Variants in WLS observed in about 807,000 individuals in gnomAD.
The protein encoded by WLS is protein wntless homolog.
Under a neutral mutation model 62.8 loss-of-function variants are expected in WLS, and 23 were observed. The observed-to-expected ratio is 0.37, with a 90% CI of 0.26 to 0.52. The LOEUF is 0.52. Among genes scored for constraint, WLS ranks in the 20% least tolerant of loss-of-function variants. The pLI, the probability that WLS is intolerant of heterozygous loss-of-function variation, is 0.92. For synonymous variants in WLS, 246 were observed against 244.1 expected, an observed-to-expected ratio of 1.01 and a Z score of -0.07; for missense variants, 615 against 697.3, an observed-to-expected ratio of 0.88 and a Z score of 1.33.
intron 11 of WLS, among the ~76,000 whole-genome samples, chr1:68,104,226 G>A (rs1277115789): frequency 6.6e-6 from 1 of 151,996 alleles, no homozygotes; most frequent in African/African-American, 2.4e-5. Context: ...TGCAGACCCT[G>A]TTTCCCAGGA....
intron 1 of WLS, among the ~76,000 whole-genome samples, chr1:68,217,805 G>A (rs933025176): frequency 6.6e-6 from 1 of 152,166 alleles, no homozygotes; most frequent in Non-Finnish European, 1.5e-5. Flanking sequence ...GAGGAACCCA[G>A]CCCCTTTGTG....
chr1:68,207,607 T>C (rs1190290997), intron 1 of WLS, among the ~76,000 whole-genome samples: 4 of 152,230 alleles, frequency 2.6e-5, no homozygotes, highest in Non-Finnish European at 4.4e-5. Flanking sequence ...CGGTGCTTTA[T>C]GTTGCTGAAG....
intron 1 of WLS, among the ~76,000 whole-genome samples, chr1:68,205,476 A>G (rs1480928062): frequency 6.6e-6 from 1 of 152,230 alleles, no homozygotes; most frequent in Non-Finnish European, 1.5e-5. Context: ...GCTGTTCAGC[A>G]TAGTTCCTGG....
chr1:68,113,832 A>G (rs1646257721), intron 11 of WLS, among the ~76,000 whole-genome samples: 1 of 152,240 alleles, frequency 6.6e-6, no homozygotes, highest in South Asian at 2.1e-4. Context: ...AAATCCCACA[A>G]GCTGTCCTAC....
chr1:68,168,518 G>T (rs1215793565), intron 2 of WLS, among the ~76,000 whole-genome samples: 3 of 152,098 alleles, frequency 2.0e-5, no homozygotes, highest in East Asian at 1.9e-4. Context: ...GGGTTATATT[G>T]TTGACCTATT....
chr1:68,145,232 C>T (rs984476628), intron 9 of WLS, among the ~76,000 whole-genome samples: 9 of 152,166 alleles, frequency 5.9e-5, no homozygotes, highest in Non-Finnish European at 1.2e-4. Flanking sequence ...TCTGTAGTTT[C>T]TGCTTCTCTT....
In WLS at chr1:68,125,645, T is replaced by C. The variant is rs1646418721; in HGVS notation, c.*581A>G. 3.0e-6 allele frequency: 3 copies of C among 985,372 alleles called. No individual in the cohort carries two copies. In the African/African-American group the frequency reaches 5.2e-5, roughly 17 times the overall value. The allele number at this position is 985,372 out of a possible 1,614,324, so 61.0% of individuals were successfully genotyped here. ...GCTGAAATACCCCTGGTGGAATAAA[T>C]CTTCTCATGAAATTCAGTTATATTA... On this transcript the variant is annotated 3_prime_UTR_variant, in exon 12 of 12. Transcript: ENST00000262348.
intron 2 of WLS, among the ~76,000 whole-genome samples, chr1:68,164,478 G>A (rs1470626340): frequency 2.6e-5 from 4 of 152,130 alleles, no homozygotes; most frequent in Non-Finnish European, 2.9e-5. Flanking sequence ...GGCTGGTCTT[G>A]AACTCCTGAC....
chr1:68,184,499 G>A (rs991130425), intron 2 of WLS, among the ~76,000 whole-genome samples: 2 of 152,190 alleles, frequency 1.3e-5, no homozygotes, highest in African/African-American at 4.8e-5. Context: ...TTACCAAGAG[G>A]TCTAATACCA....
At chr1:68,163,407 C>T (rs1570928066) in intron 2 of WLS, among the ~76,000 whole-genome samples, 1 of 151,660 alleles carries the variant, frequency 6.6e-6, no homozygotes, top group African/African-American at 2.4e-5. Context: ...CACCCTGCGG[C>T]GGTGGCGGTG....
chr1:68,152,650 G>C (rs1365424869), intron 5 of WLS, among the ~76,000 whole-genome samples: 1 of 152,164 alleles, frequency 6.6e-6, no homozygotes, highest in Admixed American at 6.5e-5. Flanking sequence ...GACTGGAAAG[G>C]ACTCAAGAGA....
intron 11 of WLS, among the ~76,000 whole-genome samples, chr1:68,128,253 C>A (rs1360275600): frequency 6.6e-6 from 1 of 152,208 alleles, no homozygotes; most frequent in East Asian, 1.9e-4. Context: ...AGCTGAACCA[C>A]CACTTGTACA....
chr1:68,200,096 C>T (rs1211958841), intron 1 of WLS, among the ~76,000 whole-genome samples: 1 of 152,044 alleles, frequency 6.6e-6, no homozygotes, highest in Non-Finnish European at 1.5e-5. Context: ...CAGAACAGCA[C>T]CATTTTAAAA....
chr1:68,134,058 G>A (rs1487248533), intron 11 of WLS, among the ~76,000 whole-genome samples: 14 of 152,198 alleles, frequency 9.2e-5, no homozygotes, highest in Admixed American at 9.2e-4. Flanking sequence ...CATGAGAATG[G>A]AAAAGGAGCA....
downstream of WLS, among the ~76,000 whole-genome samples, chr1:68,123,295 G>C (rs534907136): frequency 4.0e-4 from 61 of 152,182 alleles, 2 homozygotes; most frequent in Non-Finnish European, 5.9e-5. Context: ...GAACCTCTGA[G>C]GACATCTAAC....
chr1:68,100,852 T>C (rs1456675460), intron 11 of WLS: 3 of 152,240 alleles, frequency 2.0e-5, no homozygotes, highest in Non-Finnish European at 4.4e-5. Context: ...TCTTTCACTC[T>C]AGCAGTTAAA....
chr1:68,214,629 G>A (rs1035611154), intron 1 of WLS, among the ~76,000 whole-genome samples: 2 of 152,210 alleles, frequency 1.3e-5, no homozygotes, highest in Admixed American at 6.5e-5. Flanking sequence ...GACCACAGGT[G>A]TGAGCCACCA....
At chr1:68,228,187 A>C in intron 1 of WLS, 1 of 415,104 alleles carries the variant, frequency 2.4e-6, no homozygotes, top group Non-Finnish European at 4.7e-6. Context: ...ATCTTTTCTA[A>C]AGAAATAATA....
intron 11 of WLS, among the ~76,000 whole-genome samples, chr1:68,111,662 C>G (rs775971535): frequency 3.3e-5 from 5 of 152,190 alleles, no homozygotes; most frequent in Non-Finnish European, 5.9e-5. Flanking sequence ...TTACATCTCT[C>G]TACACATACA....
Sources: gnomAD v4.1 joint callset for allele counts (sites outside exome capture counted in the v4.1 genomes callset) on GRCh38, gnomAD v4.1.1 for gene constraint, MANE v1.5 for transcripts, NCBI Gene and HGNC (gene_info 2026-07-23, HGNC 2026-07-21) for gene names.